Variants in PTPN3 observed in about 807,000 individuals in gnomAD.
PTPN3 encodes protein tyrosine phosphatase non-receptor type 3.
PTPN3 carries 96 observed loss-of-function variants against 132.7 expected under a neutral mutation model. The ratio of observed to expected loss-of-function variants is 0.72; its 90% CI spans 0.61 to 0.86. The LOEUF is 0.86. PTPN3 is among the 40% of genes least tolerant of loss of function. The pLI is 0.00. For missense variants in PTPN3, 1,125 were observed against 1,159.6 expected (o/e 0.97, Z 0.43); for synonymous variants, 398 against 429.0 (o/e 0.93, Z 0.89).
rs149032185 is a variant in PTPN3, at chr9:109,431,871, G to A, written c.764+1202C>T. 4.8e-4 allele frequency among the ~76,000 whole-genome samples: 73 copies of A among 152,042 alleles called. 1 individual carries two copies. Among genetic ancestry groups the A allele is most frequent in the African/African-American group, 1.2e-3 (50 of 41,498 alleles). On this transcript the variant is annotated intron_variant, in intron 10 of 25. Coordinates refer to ENST00000374541, the MANE Select transcript of PTPN3 (RefSeq NM_002829.4). Reference sequence around the variant, plus strand: ...TCTTTGTACCTCTGTTTCCTCCTCCGTGAAACTGGGGATAATAACCTATAT... The same window carrying A: ...TCTTTGTACCTCTGTTTCCTCCTCCATGAAACTGGGGATAATAACCTATAT...
intron 1 of PTPN3, among the ~76,000 whole-genome samples, chr9:109,478,391 G>A (rs1026356308): frequency 2.0e-5 from 3 of 152,234 alleles, no homozygotes; most frequent in East Asian, 1.9e-4. Context: ...ATGACTCTAC[G>A]ATATTCCACC....
intron 14 of PTPN3, among the ~76,000 whole-genome samples, chr9:109,414,288 T>G (rs1295000049): frequency 6.6e-6 from 1 of 152,224 alleles, no homozygotes; most frequent in African/African-American, 2.4e-5. Flanking sequence ...AGGAACCAGC[T>G]GGGGTCCTGC....
chr9:109,457,268 A>C, intron 3 of PTPN3, 24 bp downstream of exon 3: 1 of 1,612,452 alleles, frequency 6.2e-7, no homozygotes, highest in South Asian at 1.1e-5. Context: ...GGAGTTCAGC[A>C]CATTTTTTAA....
chr9:109,516,012 A>G, the PTPN3 span, among the ~76,000 whole-genome samples: 55 of 152,228 alleles, frequency 3.6e-4, no homozygotes, highest in Non-Finnish European at 7.2e-4. Flanking sequence ...GCTCTTGATT[A>G]CTATACCGGC....
intron 14 of PTPN3, among the ~76,000 whole-genome samples, chr9:109,410,775 C>T (rs569641250): frequency 6.6e-6 from 1 of 152,342 alleles, no homozygotes; most frequent in African/African-American, 2.4e-5. Flanking sequence ...TGCAGATGCA[C>T]AGCCCATCCC....
rs533188689 is a variant in PTPN3 at position 109,392,901 on chromosome 9, G to C, written c.1954-1340C>G. 4 of 152,288 alleles carry C rather than the reference G, an allele frequency of 2.6e-5. No homozygotes were observed. The South Asian group carries it at 8.3e-4, about 32-fold the overall frequency. The allele number at this position is 152,288 out of a possible 1,614,324, so 9.4% of individuals were successfully genotyped here. On this transcript the variant is annotated intron_variant, in intron 19 of 25. Transcript: ENST00000374541. ...TTACAGGCGTGAGTCACTGCACCCG[G>C]CTATATTGGCACTTCTTATGCTATG...
Position 109,391,532 on chromosome 9 carries a change from G to T in PTPN3, c.1983C>A (p.Ala661=). The part of the protein sequence containing the change: ...EQLYRKKPGL[A]ITFAKLPQNL... ...TTTGAGGCAGCTTTGCAAACGTGAT[G>T]GCCAAACCTGGCTTTTTTCTGTAGA... The change falls in exon 20 of 26, where the codon GCC becomes GCA. Residue 661 remains alanine (A), a synonymous_variant. Transcript: ENST00000374541. 1.2e-6 allele frequency: 2 copies of T among 1,613,934 alleles called. No individual in the cohort carries two copies. Among genetic ancestry groups the T allele is most frequent in the Non-Finnish European group, 1.7e-6 (2 of 1,179,926 alleles).
intron 1 of PTPN3, among the ~76,000 whole-genome samples, chr9:109,465,404 C>T (rs1437646559): frequency 6.6e-6 from 1 of 152,028 alleles, no homozygotes; most frequent in African/African-American, 2.4e-5. Context: ...GATGAAACCT[C>T]ATCTGTACCA....
intron 10 of PTPN3, chr9:109,428,940 T>A: frequency 3.0e-6 from 3 of 985,448 alleles, no homozygotes; most frequent in Non-Finnish European, 3.6e-6. Context: ...ACATAGGCCA[T>A]GCGCTCTCTT....
intron 1 of PTPN3, among the ~76,000 whole-genome samples, chr9:109,470,495 T>A (rs990957626): frequency 2.7e-5 from 4 of 148,500 alleles, no homozygotes; most frequent in African/African-American, 1.0e-4. Context: ...TATTCCCTTC[T>A]AAAGATAAAA....
chr9:109,498,664 C>T (rs1847798650), upstream of PTPN3, among the ~76,000 whole-genome samples: 1 of 152,156 alleles, frequency 6.6e-6, no homozygotes, highest in African/African-American at 2.4e-5. This position sits in a 1 kb window ranked among gnomAD's most constrained non-coding sequence, Gnocchi z 4.2. Flanking sequence ...GCTGAGGTCC[C>T]GCTGACTTCC....
chr9:109,414,859 A>G (rs1842351122), intron 14 of PTPN3, among the ~76,000 whole-genome samples: 1 of 152,158 alleles, frequency 6.6e-6, no homozygotes, highest in South Asian at 2.1e-4. Flanking sequence ...CAGTTACCAA[A>G]CTTGTCAAAG....
the PTPN3 span, among the ~76,000 whole-genome samples, chr9:109,509,855 A>G: frequency 6.6e-6 from 1 of 152,102 alleles, no homozygotes; most frequent in Non-Finnish European, 1.5e-5. Flanking sequence ...TGGAAAGGAA[A>G]AAAAAAAAGG....
At chr9:109,379,868 T>TGGG in intron 25 of PTPN3, among the ~76,000 whole-genome samples, 1 of 152,186 alleles carries the variant, frequency 6.6e-6, no homozygotes, top group Middle Eastern at 3.4e-3. Context: ...ACTGGCGGTC[T>TGGG]GGGGGAGGTG....
chr9:109,490,446 G>A (rs1205588431), intron 1 of PTPN3, among the ~76,000 whole-genome samples: 1 of 151,956 alleles, frequency 6.6e-6, no homozygotes, highest in Admixed American at 6.6e-5. Context: ...TTCCAAAAAC[G>A]TCAAGGTCTG....
intron 1 of PTPN3, among the ~76,000 whole-genome samples, chr9:109,490,998 G>A (rs1333741416): frequency 2.6e-5 from 4 of 151,212 alleles, no homozygotes; most frequent in Non-Finnish European, 4.4e-5. Context: ...AGGAGTTCGA[G>A]ACCAGCATCC....
chr9:109,420,866 TG>T (rs1417327036), intron 13 of PTPN3, among the ~76,000 whole-genome samples: 1 of 152,190 alleles, frequency 6.6e-6, no homozygotes, highest in Admixed American at 6.5e-5. Context: ...TTATGCCCTT[TG>T]GGAAGTGACG....
At position 109,420,535 on chromosome 9, in the gene PTPN3, T is replaced by G; in HGVS notation, c.1202A>C (p.Asn401Thr). 1.2e-6 allele frequency: 2 copies of G among 1,613,362 alleles called. No homozygotes were observed. The highest frequency in any genetic ancestry group is 4.5e-5 in the East Asian group (2 of 44,892). The change falls in exon 14 of 26, where the codon AAT (asparagine) becomes ACT (threonine). Residue 401 changes from asparagine (N) to threonine (T), a missense_variant. Asn to Thr is a moderately conservative substitution (Grantham distance 65, BLOSUM62 0). Transcript: ENST00000374541. ...PRHSSADNLA[N>T]EMTYITETED... ...CGTTTCCGTGATGTAGGTCATTTCA[T>G]TTGCAAGGTTATCTGCAGAAGAGTG...
intron 9 of PTPN3, among the ~76,000 whole-genome samples, chr9:109,433,616 T>C (rs868592313): frequency 5.9e-5 from 9 of 152,292 alleles, no homozygotes; most frequent in Middle Eastern, 3.4e-3. Context: ...ACTTAAGAAA[T>C]AAATGTTGGC....
Sources: allele counts gnomAD v4.1 joint callset (sites outside exome capture counted in the v4.1 genomes callset), GRCh38; gene constraint gnomAD v4.1.1; non-coding constraint Gnocchi (gnomAD v3.1); transcripts MANE v1.5; gene names NCBI Gene and HGNC (gene_info 2026-07-23, HGNC 2026-07-21).